Variants in NKAIN2 observed in about 807,000 individuals in gnomAD.
The protein encoded by NKAIN2 is sodium/potassium-transporting ATPase subunit beta-1-interacting protein 2.
NKAIN2 carries 14 observed loss-of-function variants against 32.6 expected under a neutral mutation model. The observed-to-expected ratio is 0.43, with a 90% confidence interval of 0.28 to 0.67. NKAIN2 has a LOEUF of 0.67. NKAIN2 is among the 30% of genes least tolerant of loss of function. NKAIN2 has a pLI of 0.17. For missense variants in NKAIN2, 198 were observed against 258.3 expected (o/e 0.77, Z 1.60); for synonymous variants, 80 against 87.2 (o/e 0.92, Z 0.46).
intron 4 of NKAIN2, among the ~76,000 whole-genome samples, chr6:124,774,563 G>A (rs1248564807): frequency 6.6e-6 from 1 of 152,098 alleles, no homozygotes; most frequent in East Asian, 1.9e-4. Flanking sequence ...CAAAGATACT[G>A]TCAACACCTT....
intron 1 of NKAIN2, among the ~76,000 whole-genome samples, chr6:124,089,645 TC>T: frequency 6.6e-6 from 1 of 151,944 alleles, no homozygotes; most frequent in East Asian, 1.9e-4. Context: ...TGCAAAGAGT[TC>T]CCTGAACCCG....
rs73565689 is a variant in NKAIN2 at position 124,286,745 on chromosome 6, G to A, written c.192+3603G>A. On this transcript the variant is annotated intron_variant, in intron 2 of 6. Coordinates refer to ENST00000368417, the MANE Select transcript of NKAIN2 (RefSeq NM_001040214.3). Reference sequence around the variant, plus strand: ...TGCCCAGGCTGGAGTGCAATGGTACGGTCTCCGCTCACTGCAAACTCCACC... The same window carrying A: ...TGCCCAGGCTGGAGTGCAATGGTACAGTCTCCGCTCACTGCAAACTCCACC... Among the ~76,000 whole-genome samples, 633 of 150,222 alleles carry A rather than the reference G, an allele frequency of 4.2e-3. 5 individuals carry two copies. The highest frequency in any genetic ancestry group is 0.014 in the African/African-American group (586 of 40,990).
intron 3 of NKAIN2, among the ~76,000 whole-genome samples, chr6:124,393,853 AT>A (rs1410501519): frequency 3.9e-5 from 6 of 152,198 alleles, no homozygotes; most frequent in African/African-American, 1.4e-4. Context: ...GAACTGTTTC[AT>A]TTAATTCTCA....
At chr6:123,924,982 A>T (rs1012607213) in intron 1 of NKAIN2, among the ~76,000 whole-genome samples, 2 of 152,070 alleles carry the variant, frequency 1.3e-5, no homozygotes, top group Admixed American at 6.6e-5. Flanking sequence ...TATTTTGTGT[A>T]TTTTATAATT....
rs1778041917 is a variant in NKAIN2, at chr6:123,965,744, A to G, written c.54+161490A>G. ...GCAGATTTCAAATGCCACTTTATCCACGATTAATTTCCTCTTTTCTCCAAT... is the reference window on the plus strand; with the variant it reads ...GCAGATTTCAAATGCCACTTTATCCGCGATTAATTTCCTCTTTTCTCCAAT... On this transcript the variant is annotated intron_variant, in intron 1 of 6. Coordinates refer to ENST00000368417, the MANE Select transcript of NKAIN2 (RefSeq NM_001040214.3). Among the ~76,000 whole-genome samples the G allele has an allele frequency of 2.0e-5, 3 of 152,100 alleles. No individual in the cohort carries two copies. In the South Asian group the frequency reaches 6.2e-4, roughly 32 times the overall value.
At chr6:124,178,520 A>G (rs900686408) in intron 1 of NKAIN2, among the ~76,000 whole-genome samples, 3 of 152,110 alleles carry the variant, frequency 2.0e-5, no homozygotes, top group Non-Finnish European at 2.9e-5. Context: ...GATGGTCTCA[A>G]TCTCCTGATC....
At chr6:124,102,364 G>A (rs1375107577) in intron 1 of NKAIN2, among the ~76,000 whole-genome samples, 1 of 152,198 alleles carries the variant, frequency 6.6e-6, no homozygotes, top group Admixed American at 6.5e-5. Context: ...AAATGAAGGG[G>A]CAGGAGTTTG....
At chr6:123,960,720 G>A (rs546462723) in intron 1 of NKAIN2, among the ~76,000 whole-genome samples, 2 of 151,856 alleles carry the variant, frequency 1.3e-5, no homozygotes, top group Non-Finnish European at 2.9e-5. Context: ...CAAGGCAAAT[G>A]TTTGTATGTG....
At chr6:124,482,842 A>T (rs918659706) in intron 3 of NKAIN2, among the ~76,000 whole-genome samples, 3 of 152,204 alleles carry the variant, frequency 2.0e-5, no homozygotes, top group Non-Finnish European at 4.4e-5. Context: ...ATACTCTATA[A>T]GAAATGTGGT....
chr6:124,434,772 T>G (rs1037329146), intron 3 of NKAIN2, among the ~76,000 whole-genome samples: 1 of 152,156 alleles, frequency 6.6e-6, no homozygotes, highest in African/African-American at 2.4e-5. Flanking sequence ...CACTGTGAGA[T>G]CTTTCCTTAA....
Position 124,584,576 on chromosome 6 carries a change from C to T in NKAIN2, c.274-73610C>T, listed in dbSNP as rs565577695. The stretch of plus-strand genomic sequence containing the variant: ...GTTGAGGCAGGAGAATCGCTTGAAC[C>T]GGAGAGGTGGAGGTTGCAGTGAGCC... On this transcript the variant is annotated intron_variant, in intron 3 of 6. Coordinates refer to ENST00000368417, the MANE Select transcript of NKAIN2 (RefSeq NM_001040214.3). Among the ~76,000 whole-genome samples, 6 of 149,850 alleles carry T rather than the reference C, an allele frequency of 4.0e-5. No individual in the cohort carries two copies. The South Asian group carries it at 6.4e-4, about 16-fold the overall frequency.
intron 1 of NKAIN2, among the ~76,000 whole-genome samples, chr6:124,193,266 A>T (rs1273133166): frequency 6.6e-6 from 1 of 152,136 alleles, no homozygotes; most frequent in Non-Finnish European, 1.5e-5. Context: ...ACCAGCCGGG[A>T]TCTCATGCCT....
At chr6:123,995,333 C>T (rs746358204) in intron 1 of NKAIN2, among the ~76,000 whole-genome samples, 5 of 152,022 alleles carry the variant, frequency 3.3e-5, no homozygotes, top group African/African-American at 7.2e-5. Context: ...GAGGACCTGG[C>T]CTTTACAGAC....
intron 4 of NKAIN2, among the ~76,000 whole-genome samples, chr6:124,673,977 C>T (rs1773232141): frequency 6.6e-6 from 1 of 151,890 alleles, no homozygotes; most frequent in Non-Finnish European, 1.5e-5. Context: ...AAGTTTTCCA[C>T]CTATATATCT....
At chr6:124,243,380 A>G (rs1425172796) in intron 1 of NKAIN2, among the ~76,000 whole-genome samples, 3 of 152,068 alleles carry the variant, frequency 2.0e-5, no homozygotes, top group African/African-American at 7.2e-5. Flanking sequence ...CTGTAGTCCT[A>G]GCTACTTGGC....
intron 1 of NKAIN2, among the ~76,000 whole-genome samples, chr6:123,912,560 G>GTT (rs1197744973): frequency 6.6e-6 from 1 of 152,090 alleles, no homozygotes; most frequent in Non-Finnish European, 1.5e-5. Flanking sequence ...CACATTGTCT[G>GTT]TTGTAAATGT....
At chr6:124,612,558 G>A (rs1237349550) in intron 3 of NKAIN2, among the ~76,000 whole-genome samples, 1 of 152,058 alleles carries the variant, frequency 6.6e-6, no homozygotes, top group East Asian at 1.9e-4. Context: ...AAATAGGGGA[G>A]GCTGAAAGTC....
At chr6:123,863,248 G>T (rs2114981677) in intron 1 of NKAIN2, among the ~76,000 whole-genome samples, 1 of 152,280 alleles carries the variant, frequency 6.6e-6, no homozygotes, top group South Asian at 2.1e-4. Flanking sequence ...TAACTGGATT[G>T]TAATAATTTG....
chr6:124,691,545 T>C (rs1774256510), intron 4 of NKAIN2, among the ~76,000 whole-genome samples: 2 of 152,144 alleles, frequency 1.3e-5, no homozygotes, highest in Non-Finnish European at 2.9e-5. Flanking sequence ...ACGTGTTGTC[T>C]CCACTTTTAT....
Sources: allele counts gnomAD v4.1 joint callset (sites outside exome capture counted in the v4.1 genomes callset), GRCh38; gene constraint gnomAD v4.1.1; transcripts MANE v1.5; gene names NCBI Gene and HGNC (gene_info 2026-07-23, HGNC 2026-07-21).